EPB41: variants seen among roughly 807,000 people sequenced by gnomAD.
The protein encoded by EPB41 is protein 4.1.
Under a neutral mutation model 108.0 loss-of-function variants are expected in EPB41, and 65 were observed. That is an observed-to-expected ratio of 0.60 (90% CI 0.49 to 0.74). EPB41 has a LOEUF of 0.74. Among genes scored for constraint, EPB41 ranks in the 30% least tolerant of loss-of-function variants. The pLI is 0.00. For missense variants in EPB41, 875 were observed against 1,037.0 expected (o/e 0.84, Z 2.15); for synonymous variants, 336 against 358.9 (o/e 0.94, Z 0.72).
chr1:29,046,225 A>G (rs982831374), intron 11 of EPB41, among the ~76,000 whole-genome samples: 3 of 151,828 alleles, frequency 2.0e-5, no homozygotes, highest in African/African-American at 7.3e-5. Flanking sequence ...CCTGGGTTCA[A>G]GTGACTCTCC....
chr1:28,954,574 C>T (rs1227328324), intron 1 of EPB41, among the ~76,000 whole-genome samples: 2 of 152,008 alleles, frequency 1.3e-5, no homozygotes, highest in Non-Finnish European at 2.9e-5. Flanking sequence ...ATTTTTAGTT[C>T]TTAAGTAACT....
intron 19 of EPB41, among the ~76,000 whole-genome samples, chr1:29,114,696 A>G (rs1346603844): frequency 2.0e-4 from 31 of 151,884 alleles, no homozygotes; most frequent in Admixed American, 2.0e-3. Flanking sequence ...ATGAAACAGT[A>G]AGCTCTTTAC....
chr1:29,082,845 G>A (rs1048169723), intron 16 of EPB41, among the ~76,000 whole-genome samples: 9 of 152,090 alleles, frequency 5.9e-5, no homozygotes, highest in African/African-American at 2.2e-4. Flanking sequence ...TTGCTTTTAC[G>A]TTCACCTATT....
At chr1:29,059,804 C>T (rs1471091668) in intron 14 of EPB41, among the ~76,000 whole-genome samples, 48 of 152,124 alleles carry the variant, frequency 3.2e-4, no homozygotes. Flanking sequence ...GTAGCAGCAA[C>T]TCCCAGTACT....
chr1:29,035,755 C>A (rs2150363385), intron 9 of EPB41, 71 bp from the exon 10 acceptor site: 1 of 1,108,044 alleles, frequency 9.0e-7, no homozygotes, highest in Non-Finnish European at 1.4e-6. Context: ...TTCTCTGGTA[C>A]TGTATCACTG....
intron 17 of EPB41, among the ~76,000 whole-genome samples, chr1:29,101,566 G>C (rs1040796840): frequency 6.6e-6 from 1 of 152,056 alleles, no homozygotes; most frequent in African/African-American, 2.4e-5. Flanking sequence ...TGCTTGGGAG[G>C]CTGAGGCAGG....
chr1:28,984,347 T>C (rs1395000579), intron 1 of EPB41, among the ~76,000 whole-genome samples: 1 of 152,252 alleles, frequency 6.6e-6, no homozygotes, highest in African/African-American at 2.4e-5. Flanking sequence ...CTAGAATTTC[T>C]CTGCCCCTTT....
At chr1:29,031,333 C>A (rs1207384362) in intron 8 of EPB41, among the ~76,000 whole-genome samples, 3 of 152,182 alleles carry the variant, frequency 2.0e-5, no homozygotes, top group Non-Finnish European at 2.9e-5. Context: ...TCACCTACAT[C>A]GAATCACTGA....
Position 29,115,449 on chromosome 1 carries a change from C to T in EPB41, c.2497-250C>T, listed in dbSNP as rs78532178. Among the ~76,000 whole-genome samples, 118 of 152,082 alleles carry T rather than the reference C, an allele frequency of 7.8e-4. 2 individuals are homozygous for T. The East Asian group carries it at 0.021, about 27-fold the overall frequency. The stretch of plus-strand genomic sequence containing the variant: ...GATCATATAACAGATACAGCTATGA[C>T]CCCCGAAGTCCCTCTCCAGTTCCTA... On this transcript the variant is annotated intron_variant, in intron 19 of 20. Coordinates refer to ENST00000343067, the MANE Select transcript of EPB41 (RefSeq NM_001376013.1). The surrounding 1 kb of genome is among the most constrained non-coding windows in gnomAD (Gnocchi z 4.4).
At chr1:29,058,962 G>A (rs1646032380) in intron 14 of EPB41, 110 bp downstream of exon 14, 2 of 1,069,784 alleles carry the variant, frequency 1.9e-6, no homozygotes, top group Middle Eastern at 2.0e-4. Flanking sequence ...TTTTAATCAG[G>A]AGTTGTTAAT....
rs967286707 is a variant in EPB41, at chr1:29,024,149, A to G, written c.1124+5707A>G. ...CAAGAGATTGAGACCATCCTAGCCA[A>G]CATGGTGAAACCCCATCTCTACTGA... On this transcript the variant is annotated intron_variant, in intron 7 of 20. Transcript: ENST00000343067. Among the ~76,000 whole-genome samples the G allele has an allele frequency of 2.0e-5, 3 of 151,696 alleles. No homozygotes were observed. In the South Asian group the frequency reaches 6.2e-4, roughly 32 times the overall value.
chr1:29,013,767 G>C (rs1307546481), intron 5 of EPB41, among the ~76,000 whole-genome samples: 8 of 150,984 alleles, frequency 5.3e-5, no homozygotes, highest in Non-Finnish European at 1.2e-4. Flanking sequence ...GACCTCGGGT[G>C]ATCCACCCTC....
chr1:28,918,716 A>C (rs970155551), intron 1 of EPB41, among the ~76,000 whole-genome samples: 1 of 152,228 alleles, frequency 6.6e-6, no homozygotes, highest in Admixed American at 6.5e-5. Flanking sequence ...GTTTGAGACC[A>C]CTGCATTCCA....
At chr1:28,927,051 T>C (rs203283) in intron 1 of EPB41, among the ~76,000 whole-genome samples, 18,275 of 152,226 alleles carry the variant, frequency 0.12, 1,480 homozygotes, top group African/African-American at 0.24. Flanking sequence ...TTGTTGCTTT[T>C]ATCTTTTGCA....
chr1:29,041,143 TAAATTAAATAAATAAA>T (rs1224397194), intron 11 of EPB41: 3 of 135,526 alleles, frequency 2.2e-5, no homozygotes, highest in African/African-American at 5.8e-5. Context: ...CATAAATAAA[TAAATTAAATAAATAAA>T]TAAATAAATA....
At chr1:29,000,008 T>A (rs1179395547) in intron 4 of EPB41, among the ~76,000 whole-genome samples, 1 of 152,186 alleles carries the variant, frequency 6.6e-6, no homozygotes, top group Non-Finnish European at 1.5e-5. Flanking sequence ...CAAGCTGGTC[T>A]TGAACTCCTG....
At chr1:28,920,846 G>A (rs2093018540) in intron 1 of EPB41, among the ~76,000 whole-genome samples, 1 of 152,074 alleles carries the variant, frequency 6.6e-6, no homozygotes, top group Non-Finnish European at 1.5e-5. Flanking sequence ...GACCAGGCTG[G>A]TCTTGAACTC....
chr1:28,975,612 A>G lies in EPB41; in HGVS notation c.-7-11819A>G, dbSNP rs558407331. Among the ~76,000 whole-genome samples the G allele has an allele frequency of 2.4e-4, 37 of 152,266 alleles. 1 individual carries two copies. The South Asian group carries it at 7.5e-3, about 31-fold the overall frequency. ...TTTAGCATGATATTCAAGTCATTTC[A>G]TAATGTGTCTTTGCCTGTCTCTTCC... On this transcript the variant is annotated intron_variant, in intron 1 of 20. Coordinates refer to ENST00000343067, the MANE Select transcript of EPB41 (RefSeq NM_001376013.1).
At position 29,115,674 on chromosome 1, in the gene EPB41, T is replaced by G. The variant is rs752181007; in HGVS notation, c.2497-25T>G. The G allele has an allele frequency of 6.2e-7, 1 of 1,600,296 alleles. No homozygotes were observed. Among genetic ancestry groups the G allele is most frequent in the Non-Finnish European group, 8.6e-7 (1 of 1,167,798 alleles). On this transcript the variant is annotated intron_variant, in intron 19 of 20. Transcript: ENST00000343067. The surrounding 1 kb of genome is among the most constrained non-coding windows in gnomAD (Gnocchi z 4.4). ...CGCCATCAGGCTATTTTCTGCCTCA[T>G]TGCCCTTGTTTCTGTCTTTTGTAGG... is the stretch of plus-strand genomic sequence containing the variant.
Sources: gnomAD v4.1 joint callset for allele counts (sites outside exome capture counted in the v4.1 genomes callset) on GRCh38, gnomAD v4.1.1 for gene constraint, Gnocchi (gnomAD v3.1) non-coding constraint, MANE v1.5 for transcripts, NCBI Gene and HGNC (gene_info 2026-07-23, HGNC 2026-07-21) for gene names.